The following NLGN4X variants were observed in gnomAD, a reference collection of about 807,000 sequenced individuals.
NLGN4X encodes the protein neuroligin-4, X-linked.
Under a neutral mutation model 40.3 loss-of-function variants are expected in NLGN4X, and 3 were observed. That is an observed-to-expected ratio of 0.07 (90% confidence interval 0.03 to 0.19). The LOEUF (loss-of-function observed/expected upper bound fraction) is 0.19, where lower values mean the gene tolerates loss of function less well. Ranked by LOEUF, NLGN4X falls within the 10% of genes least tolerant of loss-of-function variation. NLGN4X has a pLI of 1.00. For missense variants in NLGN4X, 382 were observed against 708.3 expected, an observed-to-expected ratio of 0.54 and a Z score of 5.23; for synonymous variants, 270 against 306.8, an observed-to-expected ratio of 0.88 and a Z score of 1.25.
chrX:6,022,763 G>A (rs1291550010), intron 3 of NLGN4X, among the ~76,000 whole-genome samples: 1 of 111,724 alleles, frequency 9.0e-6, no homozygotes, highest in African/African-American at 3.3e-5. Context: ...TTGCAAGAAT[G>A]CTTCAGAGCT....
At chrX:5,984,384 A>C (rs912187698) in intron 3 of NLGN4X, among the ~76,000 whole-genome samples, 1 of 110,725 alleles carries the variant, frequency 9.0e-6, no homozygotes, top group Non-Finnish European at 1.9e-5. Context: ...AAAATACAAA[A>C]AAAAAAAGAC....
intron 2 of NLGN4X, among the ~76,000 whole-genome samples, chrX:6,141,316 A>G (rs755258210): frequency 1.3e-4 from 14 of 111,946 alleles, no homozygotes; most frequent in Non-Finnish European, 2.4e-4. Context: ...CCACTCAGGC[A>G]AAGAATCTTG....
At chrX:6,038,193 G>A (rs768569605) in intron 2 of NLGN4X, among the ~76,000 whole-genome samples, 1 of 111,843 alleles carries the variant, frequency 8.9e-6, no homozygotes, top group African/African-American at 3.2e-5. Context: ...TGGCTGGTGA[G>A]GAAGTGGGTT....
chrX:6,209,963 G>A (rs982671980), intron 1 of NLGN4X, among the ~76,000 whole-genome samples: 1 of 111,930 alleles, frequency 8.9e-6, no homozygotes, highest in African/African-American at 3.2e-5. Flanking sequence ...CCATCCTCCT[G>A]TCTCAGCCTC....
intron 3 of NLGN4X, among the ~76,000 whole-genome samples, chrX:5,957,068 T>A (rs2034517392): frequency 9.0e-6 from 1 of 110,632 alleles, no homozygotes; most frequent in Non-Finnish European, 1.9e-5. Context: ...AGAAAAGAAA[T>A]GCAACAATCG....
At chrX:6,215,209 A>C (rs1924963035) in intron 1 of NLGN4X, among the ~76,000 whole-genome samples, 1 of 112,198 alleles carries the variant, frequency 8.9e-6, no homozygotes, top group Non-Finnish European at 1.9e-5. Context: ...ATATGTTAAA[A>C]ATTGGGGGTA....
At chrX:6,049,370 C>T (rs2037419134) in intron 2 of NLGN4X, among the ~76,000 whole-genome samples, 1 of 103,257 alleles carries the variant, frequency 9.7e-6, no homozygotes, top group South Asian at 4.8e-4. Flanking sequence ...CCTCCCTATA[C>T]CAGAAGGAAA....
At chrX:6,023,863 T>C (rs189514905) in intron 3 of NLGN4X, among the ~76,000 whole-genome samples, 51 of 111,793 alleles carry the variant, frequency 4.6e-4, no homozygotes, top group African/African-American at 1.6e-3. Flanking sequence ...CCACTGCAGG[T>C]ACAGACAGAC....
At chrX:6,141,837 T>TA (rs2039954203) in intron 2 of NLGN4X, among the ~76,000 whole-genome samples, 1 of 110,054 alleles carries the variant, frequency 9.1e-6, no homozygotes. Flanking sequence ...AAAATAAAAT[T>TA]AAAAAAATAA....
Position 5,993,224 on chromosome X carries a change from T to C in NLGN4X, c.625+36056A>G, listed in dbSNP as rs1200239382. On this transcript the variant is annotated intron_variant, in intron 3 of 5. Coordinates refer to ENST00000381095, the MANE Select transcript of NLGN4X (RefSeq NM_181332.3). ...TTAGATGCCAGAAGCATCACCAATC[T>C]CCAGCTGTAACAACCCGAAGTATGT... Among the ~76,000 whole-genome samples, 5 of 111,163 alleles carry C rather than the reference T, an allele frequency of 4.5e-5. 1 individual carries two copies. The highest frequency in any genetic ancestry group is 9.4e-5 in the Non-Finnish European group (5 of 53,099).
At chrX:6,111,580 A>G (rs1337300241) in intron 2 of NLGN4X, among the ~76,000 whole-genome samples, 3 of 111,065 alleles carry the variant, frequency 2.7e-5, no homozygotes, top group African/African-American at 9.8e-5. Context: ...CGCTACTAAA[A>G]ATTAAAAAAA....
intron 1 of NLGN4X, among the ~76,000 whole-genome samples, chrX:6,193,452 C>G (rs1237544811): frequency 1.0e-5 from 1 of 97,760 alleles, no homozygotes; most frequent in Non-Finnish European, 2.0e-5. Flanking sequence ...TGGAAACCTA[C>G]TTGATTTTTT....
intron 1 of NLGN4X, among the ~76,000 whole-genome samples, chrX:6,195,986 A>C (rs1169342055): frequency 9.0e-6 from 1 of 110,622 alleles, no homozygotes; most frequent in East Asian, 2.9e-4. Flanking sequence ...TAGAGATAGG[A>C]TCTCACTATT....
chrX:5,989,088 A>T (rs186212853), intron 3 of NLGN4X, among the ~76,000 whole-genome samples: 1,859 of 95,355 alleles, frequency 0.019, 45 homozygotes, highest in African/African-American at 0.07. Flanking sequence ...AAAAAATAAA[A>T]AAAATAAAAA....
chrX:6,070,585 A>T (rs1304243901), intron 2 of NLGN4X, among the ~76,000 whole-genome samples: 1 of 112,104 alleles, frequency 8.9e-6, no homozygotes, highest in African/African-American at 3.2e-5. Context: ...CTCTACAAAA[A>T]TTAAAAAATA....
At position 6,008,335 on chromosome X, in the gene NLGN4X, A is replaced by C. The variant is rs181099738; in HGVS notation, c.625+20945T>G. On this transcript the variant is annotated intron_variant, in intron 3 of 5. Transcript: ENST00000381095. ...ATATCCATCAAATGAAAAATAGATA[A>C]ACATAACAGAATGCGGTCTATCATA... Among the ~76,000 whole-genome samples, 3 of 112,150 alleles carry C rather than the reference A, an allele frequency of 2.7e-5. No homozygotes were observed. The Admixed American group carries it at 2.8e-4, about 11-fold the overall frequency.
At chrX:5,943,054 G>C (rs990693700) in intron 3 of NLGN4X, among the ~76,000 whole-genome samples, 5 of 111,648 alleles carry the variant, frequency 4.5e-5, no homozygotes, top group African/African-American at 1.6e-4. Flanking sequence ...CCATGATACT[G>C]AGAAGCAGGA....
At chrX:6,148,063 A>C (rs926902797) in intron 2 of NLGN4X, among the ~76,000 whole-genome samples, 4 of 112,244 alleles carry the variant, frequency 3.6e-5, no homozygotes, top group African/African-American at 1.3e-4. Context: ...TATGTTTCAT[A>C]AACTATTGTA....
rs756183159 is a variant in NLGN4X, at chrX:5,961,479, G to A, written c.626-52240C>T. Among the ~76,000 whole-genome samples the A allele has an allele frequency of 1.6e-4, 18 of 111,736 alleles. 1 individual carries two copies. Among genetic ancestry groups the A allele is most frequent in the Middle Eastern group, 9.3e-3 (2 of 215 alleles). Reference sequence around the variant, plus strand: ...TGCTAAGTTCTCAAATTTGAAATTCGCATATACACAGAAAACCTTGCACAG... The same window carrying A: ...TGCTAAGTTCTCAAATTTGAAATTCACATATACACAGAAAACCTTGCACAG... On this transcript the variant is annotated intron_variant, in intron 3 of 5. Coordinates refer to ENST00000381095, the MANE Select transcript of NLGN4X (RefSeq NM_181332.3).
Sources: allele counts gnomAD v4.1 joint callset (sites outside exome capture counted in the v4.1 genomes callset), GRCh38; gene constraint gnomAD v4.1.1; transcripts MANE v1.5; gene names NCBI Gene and HGNC (gene_info 2026-07-23, HGNC 2026-07-21).